Variants in ZNF536 observed in about 807,000 individuals in gnomAD.
ZNF536 encodes zinc finger protein 536.
ZNF536 carries 13 observed loss-of-function variants against 84.5 expected under a neutral mutation model. The ratio of observed to expected loss-of-function variants is 0.15; its 90% CI spans 0.10 to 0.24. The LOEUF (loss-of-function observed/expected upper bound fraction) is 0.24. ZNF536 is among the 10% of genes least tolerant of loss of function. The probability of loss-of-function intolerance (pLI) is 1.00; values close to 1 mark genes in which losing one functional copy is unlikely to be tolerated. For missense variants in ZNF536, 1,536 were observed against 1,747.5 expected (o/e 0.88, Z 2.16); for synonymous variants, 811 against 742.5 (o/e 1.09, Z -1.50).
chr19:30,680,666 G>T (rs2050932990), intron 1 of ZNF536, among the ~76,000 whole-genome samples: 2 of 151,910 alleles, frequency 1.3e-5, no homozygotes, highest in Non-Finnish European at 2.9e-5. Flanking sequence ...TGGACATTTG[G>T]GTTGGTTCCA....
At chr19:30,577,139 T>C (rs1332351975) in intron 1 of ZNF536, among the ~76,000 whole-genome samples, 1 of 152,218 alleles carries the variant, frequency 6.6e-6, no homozygotes, top group East Asian at 1.9e-4. Context: ...TTTTTTCTCC[T>C]TCATTTTAAT....
intron 2 of ZNF536, among the ~76,000 whole-genome samples, chr19:30,508,789 C>T (rs991547504): frequency 3.4e-5 from 5 of 148,354 alleles, no homozygotes; most frequent in South Asian, 2.2e-4. Context: ...GTGTGGGCAC[C>T]GTGGTTCTTT....
rs1276636408 is a variant in ZNF536 at position 30,444,313 on chromosome 19, G to A, written c.751G>A (p.Val251Met). 6.3e-7 allele frequency: 1 copy of A among 1,586,802 alleles called. No homozygotes were observed. Among genetic ancestry groups the A allele is most frequent in the Non-Finnish European group, 8.5e-7 (1 of 1,173,408 alleles). Residue 251 changes from valine to methionine, a missense_variant, in exon 2 of 5, where the codon GTG (valine) becomes ATG (methionine). Physicochemically the swap from Val to Met is conservative, Grantham distance 21. Transcript: ENST00000355537. The stretch of plus-strand genomic sequence containing the variant: ...GCAGGCTAACCACAGCGTTCCCGAC[G>A]TGGCCCACCCGGTGCCCTCGCCCAA... ...ALQANHSVPD[V>M]AHPVPSPKPA...
intron 1 of ZNF536, among the ~76,000 whole-genome samples, chr19:30,403,090 G>A (rs576508112): frequency 3.9e-5 from 6 of 152,144 alleles, no homozygotes; most frequent in African/African-American, 1.4e-4. Context: ...CTTTGCGGAG[G>A]AGAACACCGC....
intron 1 of ZNF536, among the ~76,000 whole-genome samples, chr19:30,652,558 C>T (rs1364413681): frequency 1.3e-5 from 2 of 152,060 alleles, no homozygotes; most frequent in African/African-American, 2.4e-5. Context: ...GCATTTCCAC[C>T]GTCATCCTGA....
intron 1 of ZNF536, among the ~76,000 whole-genome samples, chr19:30,635,067 G>GTGT (rs1568623048): frequency 6.7e-5 from 10 of 150,278 alleles, no homozygotes; most frequent in African/African-American, 2.4e-4. Flanking sequence ...AAGAAAGCTG[G>GTGT]GTGTGTGTGT....
rs777103163 is a variant in ZNF536 at position 30,534,855 on chromosome 19, G to C, written c.2179G>C (p.Glu727Gln). The change falls in exon 3 of 5, where the codon GAG (glutamate) becomes CAG (glutamine). Residue 727 changes from glutamate (E) to glutamine (Q), a missense_variant. By Grantham distance (29) the Glu-to-Gln change is conservative. Coordinates refer to ENST00000355537, the MANE Select transcript of ZNF536 (RefSeq NM_014717.3). ...PSSPSSSDIG[E>Q]EAGRSAGVQQ... The stretch of plus-strand genomic sequence containing the variant: ...TTTCTCCTTCGCTGCAGACATTGGC[G>C]AGGAGGCTGGGAGATCTGCCGGCGT... 1 of 1,611,972 alleles carries C rather than the reference G, an allele frequency of 6.2e-7. No homozygotes were observed. Among genetic ancestry groups the C allele is most frequent in the Non-Finnish European group, 8.5e-7 (1 of 1,178,696 alleles).
intron 2 of ZNF536, among the ~76,000 whole-genome samples, chr19:30,466,139 T>C (rs760259279): frequency 6.6e-5 from 10 of 151,638 alleles, no homozygotes; most frequent in Admixed American, 3.3e-4. Context: ...GGGAGGATCA[T>C]TGGAGCCCAG....
chr19:30,406,987 G>A (rs1028074626), intron 1 of ZNF536, among the ~76,000 whole-genome samples: 12 of 152,124 alleles, frequency 7.9e-5, no homozygotes, highest in African/African-American at 1.2e-4. Context: ...CAATCATGTC[G>A]GGTCCCACCA....
chr19:30,241,513 G>A (rs2023941327), intron 1 of ZNF536, among the ~76,000 whole-genome samples: 1 of 152,186 alleles, frequency 6.6e-6, no homozygotes, highest in African/African-American at 2.4e-5. Context: ...GTGGATACCA[G>A]GATGAGAGCA....
chr19:30,514,027 C>T (rs3786796), intron 2 of ZNF536, among the ~76,000 whole-genome samples: 17,086 of 152,112 alleles, frequency 0.11, 1,152 homozygotes, highest in East Asian at 0.29. Flanking sequence ...AATGCACCAG[C>T]TCAGTGAGAC....
At chr19:30,453,799 A>G (rs1226757885) in intron 2 of ZNF536, among the ~76,000 whole-genome samples, 1 of 152,200 alleles carries the variant, frequency 6.6e-6, no homozygotes, top group Non-Finnish European at 1.5e-5. Flanking sequence ...GGCAGAATTC[A>G]TTTGCCTCCT....
chr19:30,302,896 G>C (rs1000150275), intron 2 of ZNF536, among the ~76,000 whole-genome samples: 1 of 152,136 alleles, frequency 6.6e-6, no homozygotes, highest in African/African-American at 2.4e-5. Flanking sequence ...TTTCAGACTG[G>C]TGGTGGCCTT....
At chr19:30,622,652 T>G (rs1191686300) in intron 1 of ZNF536, among the ~76,000 whole-genome samples, 1 of 152,212 alleles carries the variant, frequency 6.6e-6, no homozygotes, top group African/African-American at 2.4e-5. Context: ...GGGGATGCTT[T>G]TTATATATGT....
chr19:30,357,546 G>A (rs2048137216), intron 3 of ZNF536, among the ~76,000 whole-genome samples: 1 of 152,172 alleles, frequency 6.6e-6, no homozygotes, highest in African/African-American at 2.4e-5. Context: ...TGAGTGGCTT[G>A]GATTGGCTCT....
chr19:30,347,712 GTCAGAAACACCCAGAACGAATCCTCCCC>G (rs1444571104), intron 2 of ZNF536, among the ~76,000 whole-genome samples: 1 of 152,212 alleles, frequency 6.6e-6, no homozygotes, highest in African/African-American at 2.4e-5. Flanking sequence ...GGGTCTCATT[GTCAGAAACACCCAGAACGAATCCTCCCC>G]TCTTGAAGAT....
intron 1 of ZNF536, among the ~76,000 whole-genome samples, chr19:30,233,700 C>A (rs2023251421): frequency 6.6e-6 from 1 of 152,066 alleles, no homozygotes; most frequent in South Asian, 2.1e-4. Flanking sequence ...GTGCTTTACA[C>A]CTTCCTTATG....
chr19:30,328,202 G>A (rs555359195), intron 2 of ZNF536, among the ~76,000 whole-genome samples: 35 of 152,234 alleles, frequency 2.3e-4, no homozygotes, highest in Non-Finnish European at 4.8e-4. Context: ...GGGAGGTGGG[G>A]AGGCATTGCC....
intron 1 of ZNF536, among the ~76,000 whole-genome samples, chr19:30,603,596 A>C (rs548865986): frequency 4.3e-4 from 65 of 152,326 alleles, no homozygotes; most frequent in Non-Finnish European, 6.9e-4. Flanking sequence ...TAAACATATA[A>C]TTTAAAAATT....
Sources: allele counts gnomAD v4.1 joint callset (sites outside exome capture counted in the v4.1 genomes callset), GRCh38; gene constraint gnomAD v4.1.1; transcripts MANE v1.5; gene names NCBI Gene and HGNC (gene_info 2026-07-23, HGNC 2026-07-21).